UNC80: variants seen among roughly 807,000 people sequenced by gnomAD.
The protein encoded by UNC80 is protein unc-80 homolog.
A neutral mutation model predicts 384.6 loss-of-function variants in UNC80; 164 were observed. That is an observed-to-expected ratio of 0.43 (90% confidence interval 0.38 to 0.49). UNC80 has a LOEUF of 0.49. UNC80 is among the 20% of genes least tolerant of loss of function. The pLI is 0.00. For synonymous variants in UNC80, 1,486 were observed against 1,527.8 expected, an observed-to-expected ratio of 0.97 and a Z score of 0.64; for missense variants, 3,330 against 4,143.0, an observed-to-expected ratio of 0.80 and a Z score of 5.39.
At position 209,839,304 on chromosome 2, in the gene UNC80, A is replaced by G. The variant is rs1190539957; in HGVS notation, c.3124A>G (p.Thr1042Ala). The G allele has an allele frequency of 1.9e-6, 3 of 1,551,684 alleles. No homozygotes were observed. Among genetic ancestry groups the G allele is most frequent in the South Asian group, 2.4e-5 (2 of 84,060 alleles). The stretch of plus-strand genomic sequence containing the variant: ...CAAGTCCCAGAGTGCAGCAAGTGAC[A>G]CCAGCAGCCAGTCTGAACAGGACAC... ...MFKSQSAASD[T>A]SSQSEQDTSE... is the part of the protein sequence containing the mutation. Residue 1042 changes from threonine (T) to alanine (A), a missense_variant, in exon 19 of 65, where the codon ACC (threonine) becomes GCC (alanine). Physicochemically the swap from Thr to Ala is moderately conservative, Grantham distance 58. This residue lies in a region of UNC80 where 801 missense variants were observed against 950.8 expected (regional missense o/e 0.84). Transcript: ENST00000673920. This position sits in a 1 kb window ranked among gnomAD's most constrained non-coding sequence, Gnocchi z 4.1.
At chr2:209,898,530 G>C (rs923400086) in intron 28 of UNC80, among the ~76,000 whole-genome samples, 1 of 152,072 alleles carries the variant, frequency 6.6e-6, no homozygotes, top group Non-Finnish European at 1.5e-5. Context: ...TGGGGTACAT[G>C]AGGTGTTTTG....
chr2:209,973,126 C>G lies in UNC80; in HGVS notation c.8443C>G (p.Leu2815Val). 6.4e-7 allele frequency: 1 copy of G among 1,551,624 alleles called. No homozygotes were observed. The change falls in exon 56 of 65, where the codon CTC (leucine) becomes GTC (valine). Residue 2815 changes from leucine to valine, a missense_variant. Physicochemically the swap from Leu to Val is conservative, Grantham distance 32 (BLOSUM62 1). This residue lies in a region of UNC80 where 1,049 missense variants were observed against 1,488.6 expected (regional missense o/e 0.70). Transcript: ENST00000673920. Reference sequence around the variant, plus strand: ...GCTGCAGACAGTCATCAATGTACTCCTCCCACCGCGGATCATCAGCACATC... The same window carrying G: ...GCTGCAGACAGTCATCAATGTACTCGTCCCACCGCGGATCATCAGCACATC... ...LLLQTVINVL[L>V]PPRIISTSRS...
chr2:209,996,930 T>C lies in UNC80; in HGVS notation c.*1335T>C, dbSNP rs1254986958. ...TGTGTATGTGTTGTAGTCCTCAAGA[T>C]GAAGTTAAATATAGACTTTAATTAC... is the stretch of plus-strand genomic sequence containing the variant. On this transcript the variant is annotated 3_prime_UTR_variant, in exon 65 of 65. Coordinates refer to ENST00000673920, the MANE Select transcript of UNC80 (RefSeq NM_001371986.1). 1 of 152,172 alleles carries C rather than the reference T, an allele frequency of 6.6e-6. No individual in the cohort carries two copies. The highest frequency in any genetic ancestry group is 6.5e-5 in the Admixed American group (1 of 15,272). 9.4% of individuals were successfully genotyped at this position (152,172 alleles called of 1,614,324 possible).
chr2:209,777,256 A>C lies in UNC80; in HGVS notation c.299-2A>C. 6.3e-7 allele frequency: 1 copy of C among 1,580,726 alleles called. No individual in the cohort carries two copies. The highest frequency in any genetic ancestry group is 8.6e-7 in the Non-Finnish European group (1 of 1,165,486). Reference sequence around the variant, plus strand: ...ACCTGCCTGTGTAATTGTCCCATGCAGGCCACCAGGATAAATTGGGTGTTG... The same window carrying C: ...ACCTGCCTGTGTAATTGTCCCATGCCGGCCACCAGGATAAATTGGGTGTTG... On this transcript the variant is annotated splice_acceptor_variant, in intron 3 of 64. Transcript: ENST00000673920. LOFTEE classifies it high-confidence loss of function.
At chr2:209,912,736 A>G in intron 30 of UNC80, 69 bp downstream of exon 30, 1 of 1,113,876 alleles carries the variant, frequency 9.0e-7, no homozygotes. Context: ...CAGCCTATTT[A>G]CTAATGTTTG....
chr2:209,802,260 A>C (rs1211643153), intron 7 of UNC80, among the ~76,000 whole-genome samples: 1 of 152,180 alleles, frequency 6.6e-6, no homozygotes, highest in Non-Finnish European at 1.5e-5. Flanking sequence ...TATAATAAAC[A>C]ATAAAGCATT....
intron 4 of UNC80, among the ~76,000 whole-genome samples, chr2:209,781,763 A>AATTATACATTTCAAAT (rs2077164983): frequency 1.3e-5 from 2 of 152,148 alleles, no homozygotes; most frequent in African/African-American, 4.8e-5. Context: ...GGCTGAGGTC[A>AATTATACATTTCAAAT]CCTAATTATA....
Position 209,831,704 on chromosome 2 carries a change from A to G in UNC80, c.2775+113A>G. 3.3e-6 allele frequency: 4 copies of G among 1,209,586 alleles called. No homozygotes were observed. The South Asian group carries it at 8.1e-5, about 24-fold the overall frequency. The allele number at this position is 1,209,586 out of a possible 1,614,324, so 74.9% of individuals were successfully genotyped here. ...TGAAATCTAAAAGTCTACACTTTAA[A>G]GTTTAAATATCTATTTTCCCCGGTG... is the stretch of plus-strand genomic sequence containing the variant. On this transcript the variant is annotated intron_variant, in intron 16 of 64. Transcript: ENST00000673920.
intron 10 of UNC80, among the ~76,000 whole-genome samples, chr2:209,817,607 G>C (rs1354388681): frequency 6.6e-6 from 1 of 151,976 alleles, no homozygotes; most frequent in Admixed American, 6.6e-5. Context: ...CTAAGATTGG[G>C]GCTGACCTTA....
chr2:209,869,476 A>G (rs2084111767), intron 22 of UNC80, among the ~76,000 whole-genome samples: 1 of 152,168 alleles, frequency 6.6e-6, no homozygotes, highest in Admixed American at 6.6e-5. Flanking sequence ...CTTGGACATT[A>G]TTGCCCGTAG....
rs1286907701 is a variant in UNC80, at chr2:209,967,468, C to T, written c.7837C>T (p.Leu2613=). The T allele has an allele frequency of 1.9e-6, 3 of 1,551,252 alleles. No individual in the cohort carries two copies. Among genetic ancestry groups the T allele is most frequent in the Non-Finnish European group, 2.6e-6 (3 of 1,146,936 alleles). Residue 2613 remains leucine, a synonymous_variant, in exon 52 of 65, where the codon CTG becomes TTG. Coordinates refer to ENST00000673920, the MANE Select transcript of UNC80 (RefSeq NM_001371986.1). ...LAEIAHSLLK[L]APYDTQTMES... The stretch of plus-strand genomic sequence containing the variant: ...AGAAATTGCACACTCCCTTCTGAAG[C>T]TGGCACCATATGACACTCAGACAAT...
At chr2:209,788,485 T>C (rs2077593056) in intron 5 of UNC80, among the ~76,000 whole-genome samples, 1 of 148,422 alleles carries the variant, frequency 6.7e-6, no homozygotes, top group African/African-American at 2.5e-5. Flanking sequence ...ATAAAAAGCA[T>C]AAAATATACT....
rs1165765489 is a variant in UNC80, at chr2:209,978,600, A to G, written c.9010A>G (p.Met3004Val). The G allele has an allele frequency of 3.2e-6, 5 of 1,551,418 alleles. No individual in the cohort carries two copies. Among genetic ancestry groups the G allele is most frequent in the Non-Finnish European group, 4.4e-6 (5 of 1,146,880 alleles). The change falls in exon 59 of 65, where the codon ATG (methionine) becomes GTG (valine). Residue 3004 changes from methionine to valine, a missense_variant. Physicochemically the swap from Met to Val is conservative, Grantham distance 21. Coordinates refer to ENST00000673920, the MANE Select transcript of UNC80 (RefSeq NM_001371986.1). ...TSAYRLSLAT[M>V]SRSNTGTGTV... ...TGCTTACCGCCTGAGCTTGGCCACC[A>G]TGTCCCGCTCTAACACGGGCACGGG...
intron 23 of UNC80, among the ~76,000 whole-genome samples, chr2:209,873,600 C>T (rs572381114): frequency 6.6e-6 from 1 of 152,108 alleles, no homozygotes; most frequent in Non-Finnish European, 1.5e-5. Flanking sequence ...AACTTCTTTA[C>T]CATAGAAGGA....
intron 38 of UNC80, among the ~76,000 whole-genome samples, chr2:209,931,812 T>C (rs2090899895): frequency 6.6e-6 from 1 of 152,174 alleles, no homozygotes; most frequent in Admixed American, 6.6e-5. Context: ...TACTTGCTGG[T>C]TGGCAAAGGA....
At chr2:209,956,790 A>T (rs2092435134) in intron 48 of UNC80, among the ~76,000 whole-genome samples, 1 of 152,058 alleles carries the variant, frequency 6.6e-6, no homozygotes, top group African/African-American at 2.4e-5. Context: ...TTTGCCGTAT[A>T]ATGTAACATA....
intron 21 of UNC80, among the ~76,000 whole-genome samples, chr2:209,849,153 A>G (rs2082352504): frequency 6.6e-6 from 1 of 152,156 alleles, no homozygotes; most frequent in South Asian, 2.1e-4. Flanking sequence ...AATTTTAAAT[A>G]CACCAAAAGC....
At chr2:209,881,729 C>T (rs2085309698) in intron 25 of UNC80, among the ~76,000 whole-genome samples, 1 of 151,968 alleles carries the variant, frequency 6.6e-6, no homozygotes, top group Admixed American at 6.6e-5. Context: ...AATATAAATA[C>T]TATGCAAGAA....
At chr2:209,811,926 T>G (rs1016629926) in intron 7 of UNC80, among the ~76,000 whole-genome samples, 5 of 152,216 alleles carry the variant, frequency 3.3e-5, no homozygotes, top group Admixed American at 6.5e-5. Context: ...TTTTGAACTT[T>G]TTACTGAAAC....
Sources: allele counts gnomAD v4.1 joint callset (sites outside exome capture counted in the v4.1 genomes callset), GRCh38; gene constraint gnomAD v4.1.1; regional missense constraint gnomAD v4.1.1; non-coding constraint Gnocchi (gnomAD v3.1); transcripts MANE v1.5; gene names NCBI Gene and HGNC (gene_info 2026-07-23, HGNC 2026-07-21).